Variants in GABRA4 observed in about 807,000 individuals in gnomAD.
GABRA4 encodes gamma-aminobutyric acid receptor subunit alpha-4.
A neutral mutation model predicts 49.7 loss-of-function variants in GABRA4; 12 were observed. That is an observed-to-expected ratio of 0.24 (90% confidence interval 0.15 to 0.39). The LOEUF (loss-of-function observed/expected upper bound fraction) is 0.39, where lower values mean the gene tolerates loss of function less well. Ranked by LOEUF, GABRA4 falls within the 10% of genes least tolerant of loss-of-function variation. The probability of loss-of-function intolerance (pLI) is 1.00; values close to 1 mark genes in which losing one functional copy is unlikely to be tolerated. For synonymous variants in GABRA4, 288 were observed against 240.2 expected, an observed-to-expected ratio of 1.20 and a Z score of -1.84; for missense variants, 506 against 686.0, an observed-to-expected ratio of 0.74 and a Z score of 2.93.
intron 8 of GABRA4, among the ~76,000 whole-genome samples, chr4:46,932,607 G>T (rs1721478890): frequency 6.6e-6 from 1 of 152,080 alleles, no homozygotes; most frequent in African/African-American, 2.4e-5. Context: ...ACTTGAGTTT[G>T]ATTTTGCCAT....
Position 46,924,481 on chromosome 4 carries a change from A to AT in GABRA4, c.*3743dup, listed in dbSNP as rs1343012727. 1 of 151,988 alleles carries AT rather than the reference A, an allele frequency of 6.6e-6. No individual in the cohort carries two copies. The highest frequency in any genetic ancestry group is 1.5e-5 in the Non-Finnish European group (1 of 67,946). 9.4% of individuals were successfully genotyped at this position (151,988 alleles called of 1,614,324 possible). A position where few individuals can be genotyped will look rare whatever the true frequency, so the allele number is the denominator to read the frequency against. ...GTGACTACCTGCAAGGAAAGGGGCT[A>AT]TTTTTATCTCTGTATATCTAAAAAT... On this transcript the variant is annotated 3_prime_UTR_variant, in exon 9 of 9. Coordinates refer to ENST00000264318, the MANE Select transcript of GABRA4 (RefSeq NM_000809.4).
intron 8 of GABRA4, among the ~76,000 whole-genome samples, chr4:46,931,073 A>G (rs545575594): frequency 6.6e-6 from 1 of 152,172 alleles, no homozygotes; most frequent in Non-Finnish European, 1.5e-5. Flanking sequence ...ACAAAGAGAG[A>G]ACTCCAAAGA....
At chr4:46,957,805 G>T (rs934616711) in intron 8 of GABRA4, among the ~76,000 whole-genome samples, 1 of 151,776 alleles carries the variant, frequency 6.6e-6, no homozygotes, top group Non-Finnish European at 1.5e-5. Context: ...AAGATTATTT[G>T]ATCATTAACT....
At chr4:46,931,406 C>A (rs1485984560) in intron 8 of GABRA4, among the ~76,000 whole-genome samples, 2 of 152,054 alleles carry the variant, frequency 1.3e-5, no homozygotes, top group Non-Finnish European at 2.9e-5. Context: ...TTACTGCCCC[C>A]CAAAACAAAG....
At chr4:46,961,053 C>G (rs2109369683) in intron 8 of GABRA4, among the ~76,000 whole-genome samples, 1 of 151,996 alleles carries the variant, frequency 6.6e-6, no homozygotes, top group African/African-American at 2.4e-5. Flanking sequence ...AATAAAACTG[C>G]ATACTCAATC....
At position 46,932,819 on chromosome 4, in the gene GABRA4, T is replaced by C. The variant is rs113851450; in HGVS notation, c.1135-4064A>G. On this transcript the variant is annotated intron_variant, in intron 8 of 8. Transcript: ENST00000264318. Reference sequence around the variant, plus strand: ...AGCCATTCCTCAAAAAGATTTTGAATCCATTTTACCATCTAAGTGGGTCTC... The same window carrying C: ...AGCCATTCCTCAAAAAGATTTTGAACCCATTTTACCATCTAAGTGGGTCTC... Among the ~76,000 whole-genome samples, 415 of 152,260 alleles carry C rather than the reference T, an allele frequency of 2.7e-3. 2 individuals are homozygous for C. Among genetic ancestry groups the C allele is most frequent in the African/African-American group, 9.1e-3 (378 of 41,562 alleles).
intron 4 of GABRA4, 84 bp downstream of exon 4, chr4:46,977,326 G>GAGGGAGGA (rs1560480966): frequency 1.1e-5 from 8 of 711,636 alleles, no homozygotes; most frequent in African/African-American, 6.0e-5. Flanking sequence ...GGAAGGGAGG[G>GAGGGAGGA]AGGAAGGAAG....
chr4:46,988,302 T>C (rs965257071), intron 2 of GABRA4, among the ~76,000 whole-genome samples: 4 of 152,170 alleles, frequency 2.6e-5, no homozygotes, highest in African/African-American at 9.7e-5. Context: ...AGCTATAAAG[T>C]CTGTGAGGGC....
intron 8 of GABRA4, among the ~76,000 whole-genome samples, chr4:46,930,813 A>T (rs1721401806): frequency 6.6e-6 from 1 of 151,320 alleles, no homozygotes; most frequent in African/African-American, 2.4e-5. Context: ...GCCTAAAATG[A>T]CCCCCAAAAC....
intron 8 of GABRA4, among the ~76,000 whole-genome samples, chr4:46,942,604 G>A (rs1721843676): frequency 1.4e-5 from 2 of 147,368 alleles, no homozygotes; most frequent in South Asian, 4.3e-4. Flanking sequence ...CAGCCTGGGC[G>A]ACAGAGTGAG....
chr4:46,972,624 T>C (rs1722989085), intron 6 of GABRA4, among the ~76,000 whole-genome samples: 1 of 151,514 alleles, frequency 6.6e-6, no homozygotes, highest in African/African-American at 2.4e-5. Context: ...TTGAGACCTA[T>C]TCTCTCAGCA....
At chr4:46,960,297 A>G (rs944200316) in intron 8 of GABRA4, among the ~76,000 whole-genome samples, 2 of 151,782 alleles carry the variant, frequency 1.3e-5, no homozygotes, top group African/African-American at 2.4e-5. Context: ...AAATAAAAAT[A>G]AAATGCAAAA....
Position 46,919,058 on chromosome 4 carries a change from T to C in GABRA4, c.*9167A>G, listed in dbSNP as rs1560453881. The C allele has an allele frequency of 6.6e-6, 1 of 151,604 alleles. No individual in the cohort carries two copies. The highest frequency in any genetic ancestry group is 6.6e-5 in the Admixed American group (1 of 15,202). 9.4% of individuals were successfully genotyped at this position (151,604 alleles called of 1,614,324 possible). A position where few individuals can be genotyped will look rare whatever the true frequency, so the allele number is the denominator to read the frequency against. ...TAAATTTTATAGAAATTTAAATCCT[T>C]ACTATTTTAAAGACTCATTTTCCAG... On this transcript the variant is annotated 3_prime_UTR_variant, in exon 9 of 9. Coordinates refer to ENST00000264318, the MANE Select transcript of GABRA4 (RefSeq NM_000809.4).
At position 46,924,039 on chromosome 4, in the gene GABRA4, A is replaced by C; in HGVS notation, c.*4186T>G. ...GGAATGGAGGCTATAAGAACTCCAAATCATTCTATAAAATTTAGCTTAAGA... is the reference window on the plus strand; with the variant it reads ...GGAATGGAGGCTATAAGAACTCCAACTCATTCTATAAAATTTAGCTTAAGA... On this transcript the variant is annotated 3_prime_UTR_variant, in exon 9 of 9. Transcript: ENST00000264318. 6.6e-6 allele frequency: 1 copy of C among 152,164 alleles called. No individual in the cohort carries two copies. Among genetic ancestry groups the C allele is most frequent in the South Asian group, 2.1e-4 (1 of 4,820 alleles). The allele number at this position is 152,164 out of a possible 1,614,324, so 9.4% of individuals were successfully genotyped here. A position where few individuals can be genotyped will look rare whatever the true frequency, so the allele number is the denominator to read the frequency against.
chr4:46,980,975 C>A (rs1409438927), intron 2 of GABRA4, among the ~76,000 whole-genome samples: 1 of 152,086 alleles, frequency 6.6e-6, no homozygotes, highest in East Asian at 1.9e-4. Flanking sequence ...TGGCAAGATT[C>A]TTGAGAAATC....
chr4:46,945,824 C>A (rs1190726992), intron 8 of GABRA4, among the ~76,000 whole-genome samples: 1 of 152,118 alleles, frequency 6.6e-6, no homozygotes, highest in East Asian at 1.9e-4. Context: ...TTTGTGGAGA[C>A]TTTGGTAGAT....
chr4:46,980,373 CAAAA>C (rs35377347), intron 2 of GABRA4, among the ~76,000 whole-genome samples: 1 of 127,234 alleles, frequency 7.9e-6, no homozygotes, highest in Non-Finnish European at 1.7e-5. Flanking sequence ...CGATTTATGC[CAAAA>C]AAAAAAAAAA....
At chr4:46,940,182 C>A (rs1721742664) in intron 8 of GABRA4, among the ~76,000 whole-genome samples, 1 of 151,970 alleles carries the variant, frequency 6.6e-6, no homozygotes, top group African/African-American at 2.4e-5. Flanking sequence ...ATCTTTCTTC[C>A]ACAAACTATC....
intron 8 of GABRA4, among the ~76,000 whole-genome samples, chr4:46,952,448 C>T (rs1722203978): frequency 6.6e-6 from 1 of 152,048 alleles, no homozygotes; most frequent in African/African-American, 2.4e-5. Context: ...GATCAAAATA[C>T]ATAAAAATTT....
Sources: gnomAD v4.1 joint callset for allele counts (sites outside exome capture counted in the v4.1 genomes callset) on GRCh38, gnomAD v4.1.1 for gene constraint, MANE v1.5 for transcripts, NCBI Gene and HGNC (gene_info 2026-07-23, HGNC 2026-07-21) for gene names.